CNKSR2: variants seen among roughly 807,000 people sequenced by gnomAD.
CNKSR2 encodes the protein CNK homolog protein 2.
In CNKSR2, 14 loss-of-function variants were observed where a neutral mutation model predicts 84.4. That is an observed-to-expected ratio of 0.17 (90% CI 0.11 to 0.26). The LOEUF is 0.26. Ranked by LOEUF, CNKSR2 falls within the 10% of genes least tolerant of loss-of-function variation. The pLI, the probability that CNKSR2 is intolerant of heterozygous loss-of-function variation, is 1.00. For missense variants in CNKSR2, 485 were observed against 771.2 expected, an observed-to-expected ratio of 0.63 and a Z score of 4.40; for synonymous variants, 275 against 277.9, an observed-to-expected ratio of 0.99 and a Z score of 0.10.
At chrX:21,499,396 T>C (rs1273577405) in intron 7 of CNKSR2, among the ~76,000 whole-genome samples, 4 of 111,286 alleles carry the variant, frequency 3.6e-5, no homozygotes, top group African/African-American at 6.5e-5. Context: ...AAGGGAAGAA[T>C]AGTAAATACT....
chrX:21,395,771 CT>C (rs1404907136), intron 1 of CNKSR2, among the ~76,000 whole-genome samples: 1 of 111,632 alleles, frequency 9.0e-6, no homozygotes, highest in African/African-American at 3.2e-5. Flanking sequence ...TTTACATCTA[CT>C]TTTATGACCA....
chrX:21,470,616 T>A (rs1265980331), intron 4 of CNKSR2, 150 bp from the exon 5 acceptor site: 1 of 286,530 alleles, frequency 3.5e-6, no homozygotes, highest in African/African-American at 2.8e-5. Context: ...TTATTAATAT[T>A]TTGGTATGTA....
intron 1 of CNKSR2, among the ~76,000 whole-genome samples, chrX:21,410,898 T>TTGTG (rs907489297): frequency 9.7e-5 from 10 of 102,664 alleles, no homozygotes; most frequent in African/African-American, 3.5e-4. Flanking sequence ...GTGTGTGTGT[T>TTGTG]TGTGTGTGTG....
At chrX:21,474,384 T>C (rs1420542730) in intron 5 of CNKSR2, among the ~76,000 whole-genome samples, 1 of 111,645 alleles carries the variant, frequency 9.0e-6, no homozygotes, top group African/African-American at 3.3e-5. Context: ...GTTCTAGAAT[T>C]GTTCACCACT....
At chrX:21,410,928 A>G (rs1265594533) in intron 1 of CNKSR2, among the ~76,000 whole-genome samples, 3 of 109,407 alleles carry the variant, frequency 2.7e-5, no homozygotes, top group African/African-American at 9.9e-5. Context: ...ATTTGAAATG[A>G]TGAATAAGAT....
intron 1 of CNKSR2, among the ~76,000 whole-genome samples, chrX:21,419,978 A>G (rs1319719903): frequency 8.9e-6 from 1 of 112,461 alleles, no homozygotes; most frequent in Non-Finnish European, 1.9e-5. Flanking sequence ...TCTTCCCTTC[A>G]GGGCAGCAAT....
At chrX:21,600,185 A>G (rs1047125603) in intron 17 of CNKSR2, among the ~76,000 whole-genome samples, 15 of 112,189 alleles carry the variant, frequency 1.3e-4, no homozygotes, top group Admixed American at 1.1e-3. Flanking sequence ...TTCAAGATTC[A>G]AGATATTCTA....
intron 5 of CNKSR2, among the ~76,000 whole-genome samples, chrX:21,475,582 G>A (rs1402014417): frequency 3.6e-5 from 4 of 111,414 alleles, no homozygotes; most frequent in Non-Finnish European, 7.5e-5. Flanking sequence ...CTGCCATTTA[G>A]AAGGAACAAG....
chrX:21,541,465 G>A (rs1234435918), intron 11 of CNKSR2, among the ~76,000 whole-genome samples: 2 of 111,714 alleles, frequency 1.8e-5, no homozygotes, highest in Non-Finnish European at 3.8e-5. Flanking sequence ...AATACAATAA[G>A]CCCTCATTTA....
At chrX:21,490,299 C>G (rs2091428609) in intron 5 of CNKSR2, among the ~76,000 whole-genome samples, 160 bp from the exon 6 acceptor site, 1 of 111,858 alleles carries the variant, frequency 8.9e-6, no homozygotes, top group South Asian at 3.6e-4. Flanking sequence ...AATGTGTTTC[C>G]ATTTCACCTG....
At position 21,648,815 on chromosome X, in the gene CNKSR2, T is replaced by TTTTTG; in HGVS notation, c.2693-15_2693-11dup. On this transcript the variant is annotated splice_polypyrimidine_tract_variant and intron_variant, in intron 20 of 21. Transcript: ENST00000379510. ...CTTTCTTTTTTTTTTTTTTTTTTTT[T>TTTTTG]TTTTGGATGTTGCAGGTGAAAGCAG... The TTTTTG allele has an allele frequency of 2.2e-6, 2 of 901,099 alleles. No individual in the cohort carries two copies. Among genetic ancestry groups the TTTTTG allele is most frequent in the Non-Finnish European group, 2.9e-6 (2 of 688,591 alleles). 74.3% of individuals were successfully genotyped at this position (901,099 alleles called of 1,213,427 possible). A position where few individuals can be genotyped will look rare whatever the true frequency, so the allele number is the denominator to read the frequency against.
At chrX:21,522,144 G>A (rs1370418726) in intron 9 of CNKSR2, among the ~76,000 whole-genome samples, 1 of 110,974 alleles carries the variant, frequency 9.0e-6, no homozygotes, top group Admixed American at 9.6e-5. Flanking sequence ...CAATGTTCTT[G>A]TACTAGTGTT....
intron 2 of CNKSR2, among the ~76,000 whole-genome samples, chrX:21,430,859 C>G (rs1698806100): frequency 8.9e-6 from 1 of 112,010 alleles, no homozygotes; most frequent in Non-Finnish European, 1.9e-5. Context: ...TTCTTAAATG[C>G]AATAGAATTT....
intron 15 of CNKSR2, chrX:21,594,660 G>A: frequency 6.5e-6 from 1 of 154,007 alleles, no homozygotes. Context: ...AGAAGTGTAT[G>A]TATGTTCTGA....
chrX:21,644,586 C>T (rs192709366), intron 20 of CNKSR2: 1 of 111,394 alleles, frequency 9.0e-6, no homozygotes, highest in Non-Finnish European at 1.9e-5. Flanking sequence ...AAAACCATCA[C>T]TCTGTTTGAA....
intron 3 of CNKSR2, among the ~76,000 whole-genome samples, chrX:21,438,244 A>T (rs1056972888): frequency 1.8e-5 from 2 of 111,948 alleles, no homozygotes; most frequent in Non-Finnish European, 3.8e-5. Context: ...ACTGTACTGA[A>T]TACTATAGGC....
intron 4 of CNKSR2, among the ~76,000 whole-genome samples, chrX:21,441,772 G>T (rs778204976): frequency 3.6e-5 from 4 of 111,455 alleles, no homozygotes; most frequent in Non-Finnish European, 7.6e-5. Context: ...AATAAGCAAG[G>T]TGTAGACTTT....
chrX:21,575,728 G>A (rs886904716), intron 13 of CNKSR2, among the ~76,000 whole-genome samples: 3 of 111,223 alleles, frequency 2.7e-5, no homozygotes, highest in African/African-American at 9.8e-5. Context: ...ACATCAATAG[G>A]CACCGACAAA....
At chrX:21,413,086 C>T (rs1480675876) in intron 1 of CNKSR2, among the ~76,000 whole-genome samples, 1 of 111,099 alleles carries the variant, frequency 9.0e-6, no homozygotes, top group African/African-American at 3.3e-5. Flanking sequence ...CAGCCTCTGG[C>T]AGCCCCATTC....
Sources: allele counts gnomAD v4.1 joint callset (sites outside exome capture counted in the v4.1 genomes callset), GRCh38; gene constraint gnomAD v4.1.1; transcripts MANE v1.5; gene names NCBI Gene and HGNC (gene_info 2026-07-23, HGNC 2026-07-21).